Variants in FAT3 observed in about 807,000 individuals in gnomAD.
FAT3 encodes the protein protocadherin Fat 3.
FAT3 carries 95 observed loss-of-function variants against 310.2 expected under a neutral mutation model. That is an observed-to-expected ratio of 0.31 (90% confidence interval 0.26 to 0.36). The LOEUF is 0.36. FAT3 is among the 10% of genes least tolerant of loss of function. The pLI, the probability that FAT3 is intolerant of heterozygous loss-of-function variation, is 1.00. For missense variants in FAT3, 5,408 were observed against 5,715.6 expected (o/e 0.95, Z 1.74); for synonymous variants, 2,314 against 2,192.9 (o/e 1.06, Z -1.54).
chr11:92,355,366 G>A lies in FAT3; in HGVS notation c.3254G>A (p.Gly1085Asp). ...GAGATCCAGTACTCCATCAGGGATG[G>A]CAGTGGTCTTGGAAGGTTCAGTATA... is the stretch of plus-strand genomic sequence containing the variant. ...DGEIQYSIRD[G>D]SGLGRFSIDD... Residue 1085 changes from glycine (G) to aspartate (D), a missense_variant, in exon 2 of 28, where the codon GGC becomes GAC. This residue lies in a region of FAT3 where 4,588 missense variants were observed against 4,809.8 expected (regional missense o/e 0.95). Coordinates refer to ENST00000525166, the MANE Select transcript of FAT3 (RefSeq NM_001367949.2). The A allele has an allele frequency of 6.2e-7, 1 of 1,613,782 alleles. No individual in the cohort carries two copies. Among genetic ancestry groups the A allele is most frequent in the Non-Finnish European group, 8.5e-7 (1 of 1,179,808 alleles).
At chr11:92,412,421 T>TTTTTTTTTG (rs1950295710) in intron 2 of FAT3, among the ~76,000 whole-genome samples, 2 of 140,272 alleles carry the variant, frequency 1.4e-5, no homozygotes, top group African/African-American at 2.7e-5. Context: ...TTTTTTTTTT[T>TTTTTTTTTG]GAGAGTTTAC....
At chr11:92,296,417 G>A (rs190717323) in intron 1 of FAT3, among the ~76,000 whole-genome samples, 15 of 152,158 alleles carry the variant, frequency 9.9e-5, no homozygotes, top group Admixed American at 2.6e-4. Context: ...ACACAAAGAG[G>A]AAACACTTCA....
intron 1 of FAT3, among the ~76,000 whole-genome samples, chr11:92,285,573 A>G (rs943627818): frequency 6.6e-6 from 1 of 152,136 alleles, no homozygotes; most frequent in African/African-American, 2.4e-5. Context: ...ACAAGTGGCT[A>G]TTGATCATCT....
rs576499887 is a variant in FAT3, at chr11:92,722,541, C to T, written c.3669+25096C>T. ...CATTCTGGGGCCTGGAGAACAGTGG[C>T]CCTCTTCTCACAGCTCCACTAGGTG... On this transcript the variant is annotated intron_variant, in intron 4 of 27. Transcript: ENST00000525166. 1.2e-4 allele frequency among the ~76,000 whole-genome samples: 18 copies of T among 152,274 alleles called. No homozygotes were observed. The East Asian group carries it at 3.3e-3, about 28-fold the overall frequency.
chr11:92,503,480 T>C (rs1415690533), intron 2 of FAT3, among the ~76,000 whole-genome samples: 2 of 152,058 alleles, frequency 1.3e-5, no homozygotes, highest in Non-Finnish European at 2.9e-5. Context: ...GAGATAGTAT[T>C]CCTATTTTAT....
intron 16 of FAT3, among the ~76,000 whole-genome samples, chr11:92,837,020 T>C (rs866095798): frequency 7.9e-5 from 12 of 152,264 alleles, no homozygotes; most frequent in African/African-American, 2.6e-4. Flanking sequence ...ATCCTGACTT[T>C]ATGAGCAACT....
At chr11:92,605,270 T>C (rs923057555) in intron 3 of FAT3, among the ~76,000 whole-genome samples, 5 of 152,194 alleles carry the variant, frequency 3.3e-5, no homozygotes, top group Non-Finnish European at 7.3e-5. Context: ...CCTCTTATCA[T>C]TGAGGCTATA....
At chr11:92,385,940 G>A (rs181965946) in intron 2 of FAT3, among the ~76,000 whole-genome samples, 1 of 152,124 alleles carries the variant, frequency 6.6e-6, no homozygotes, top group Non-Finnish European at 1.5e-5. Context: ...GAGTCCAGGA[G>A]TTCAAGACCA....
At chr11:92,639,199 T>C (rs1007100292) in intron 3 of FAT3, among the ~76,000 whole-genome samples, 1 of 152,208 alleles carries the variant, frequency 6.6e-6, no homozygotes, top group African/African-American at 2.4e-5. Context: ...GGATGGGAGA[T>C]TAATGAGTGT....
At chr11:92,573,512 T>A (rs1938299514) in intron 3 of FAT3, among the ~76,000 whole-genome samples, 1 of 152,156 alleles carries the variant, frequency 6.6e-6, no homozygotes, top group South Asian at 2.1e-4. Flanking sequence ...GTAACCTTAT[T>A]TGGAATTAGG....
At chr11:92,789,253 G>C (rs1411966824) in intron 7 of FAT3, among the ~76,000 whole-genome samples, 1 of 152,158 alleles carries the variant, frequency 6.6e-6, no homozygotes, top group East Asian at 1.9e-4. Context: ...GTGGGAGTTT[G>C]ATGAAACCAG....
chr11:92,756,213 T>C (rs1396148344), intron 4 of FAT3, among the ~76,000 whole-genome samples: 1 of 152,232 alleles, frequency 6.6e-6, no homozygotes, highest in Non-Finnish European at 1.5e-5. Context: ...CCAAACCCTA[T>C]ATATGCTATC....
intron 7 of FAT3, among the ~76,000 whole-genome samples, chr11:92,774,601 G>C (rs1038003481): frequency 8.5e-5 from 13 of 152,120 alleles, no homozygotes; most frequent in African/African-American, 2.9e-4. Context: ...TTCATTTATA[G>C]ACTTAGATAA....
Position 92,891,369 on chromosome 11 carries a change from T to C in FAT3, c.*256T>C, listed in dbSNP as rs571564201. ...AGGTACCTATGTTCACAGCTAAAAA[T>C]GCAAAGAGGGAAAAATTATTTCACC... On this transcript the variant is annotated 3_prime_UTR_variant, in exon 28 of 28. Coordinates refer to ENST00000525166, the MANE Select transcript of FAT3 (RefSeq NM_001367949.2). The C allele has an allele frequency of 1.5e-5, 8 of 520,012 alleles. No homozygotes were observed. The highest frequency in any genetic ancestry group is 1.3e-4 in the South Asian group (6 of 47,562). 32.2% of individuals were successfully genotyped at this position (520,012 alleles called of 1,614,324 possible).
In FAT3 at chr11:92,810,037, G is replaced by A. The variant is rs527984554; in HGVS notation, c.9442G>A (p.Ala3148Thr). 1.2e-6 allele frequency: 2 copies of A among 1,613,900 alleles called. No homozygotes were observed. The highest frequency in any genetic ancestry group is 1.1e-5 in the South Asian group (1 of 91,054). ...TCVYENTATK[A>T]LLTRVQAVDP... ...TGTCTATGAGAACACAGCCACCAAG[G>A]CTCTGTTGACCAGAGTTCAAGCCGT... Residue 3148 changes from alanine (A) to threonine (T), a missense_variant, in exon 13 of 28, where the codon GCT (alanine) becomes ACT (threonine). Physicochemically the swap from Ala to Thr is moderately conservative, Grantham distance 58. Around this residue, in one of 5 missense-constraint regions of FAT3, gnomAD observed 4,588 missense variants for 4,809.8 expected, o/e 0.95. Coordinates refer to ENST00000525166, the MANE Select transcript of FAT3 (RefSeq NM_001367949.2).
rs556134725 is a variant in FAT3 at position 92,768,966 on chromosome 11, G to A, written c.4195+3877G>A. Among the ~76,000 whole-genome samples the A allele has an allele frequency of 2.9e-3, 437 of 152,300 alleles. 2 individuals are homozygous for A. The highest frequency in any genetic ancestry group is 9.7e-3 in the African/African-American group (404 of 41,552). ...TAACTAATAAATTCTCATTAAGTGA[G>A]CAGAAATAGTGTTTCAGCATGCTTT... On this transcript the variant is annotated intron_variant, in intron 6 of 27. Transcript: ENST00000525166.
intron 25 of FAT3, among the ~76,000 whole-genome samples, chr11:92,888,561 C>T (rs1949846777): frequency 6.6e-6 from 1 of 152,174 alleles, no homozygotes; most frequent in Non-Finnish European, 1.5e-5. Flanking sequence ...CTCCACAAGC[C>T]TTTGTACTGA....
intron 4 of FAT3, among the ~76,000 whole-genome samples, chr11:92,746,330 G>A (rs985279671): frequency 2.0e-5 from 3 of 152,088 alleles, no homozygotes; most frequent in Admixed American, 2.0e-4. Context: ...GCAGGCTAGA[G>A]GCTTGTGCAG....
intron 2 of FAT3, among the ~76,000 whole-genome samples, chr11:92,379,582 G>A (rs1011156639): frequency 6.6e-6 from 1 of 152,134 alleles, no homozygotes; most frequent in Non-Finnish European, 1.5e-5. Context: ...TTAAACCTTG[G>A]ACTGGGACAA....
Sources: gnomAD v4.1 joint callset for allele counts (sites outside exome capture counted in the v4.1 genomes callset) on GRCh38, gnomAD v4.1.1 for gene constraint, gnomAD v4.1.1 regional missense constraint, MANE v1.5 for transcripts, NCBI Gene and HGNC (gene_info 2026-07-23, HGNC 2026-07-21) for gene names.